ALG1L2: variants seen among roughly 807,000 people sequenced by gnomAD.
The protein encoded by ALG1L2 is ALG1 chitobiosyldiphosphodolichol beta-mannosyltransferase like 2, also known as putative glycosyltransferase ALG1L2.
ALG1L2 carries 32 observed loss-of-function variants against 29.0 expected under a neutral mutation model. The ratio of observed to expected loss-of-function variants is 1.10; its 90% CI spans 0.83 to 1.48. The LOEUF (loss-of-function observed/expected upper bound fraction) is 1.48, where lower values mean the gene tolerates loss of function less well. Among genes scored for constraint, ALG1L2 ranks in the 40% most tolerant of loss-of-function variants. The pLI is 0.00. For synonymous variants in ALG1L2, 110 were observed against 109.5 expected, an observed-to-expected ratio of 1.00 and a Z score of -0.03; for missense variants, 318 against 274.1, an observed-to-expected ratio of 1.16 and a Z score of -1.13.
chr3:130,086,214 T>G (rs201872819), intron 1 of ALG1L2, among the ~76,000 whole-genome samples: 6,810 of 147,902 alleles, frequency 0.046, 127 homozygotes, highest in East Asian at 0.17. Flanking sequence ...AGGGGATGCC[T>G]TCCAGCTGAC....
At chr3:130,094,294 G>C in intron 4 of ALG1L2, 109 bp from the exon 5 acceptor site, 1 of 1,394,294 alleles carries the variant, frequency 7.2e-7, no homozygotes, top group Non-Finnish European at 1.0e-6. Context: ...CTGCCGAGGG[G>C]TGGAGCTTCT....
chr3:130,096,381 T>C (rs1935134423), intron 6 of ALG1L2, among the ~76,000 whole-genome samples: 1 of 151,998 alleles, frequency 6.6e-6, no homozygotes, highest in South Asian at 2.1e-4. Context: ...TTTAGGTTGG[T>C]ACAAAAGTAA....
Position 130,094,519 on chromosome 3 carries a change from A to G in ALG1L2, c.424+6A>G. On this transcript the variant is annotated splice_donor_region_variant and intron_variant, in intron 5 of 7. Transcript: ENST00000425059. ...AGGACTACCCCCGCTTCTAGGTGAG[A>G]GGCCAGCAGGAGGCTCAGGGAGGAG... is the stretch of plus-strand genomic sequence containing the variant. The G allele has an allele frequency of 6.5e-7, 1 of 1,528,292 alleles. No homozygotes were observed. The highest frequency in any genetic ancestry group is 1.4e-5 in the African/African-American group (1 of 70,026). 94.7% of individuals were successfully genotyped at this position (1,528,292 alleles called of 1,614,324 possible).
At chr3:130,093,930 C>T in intron 4 of ALG1L2, 2 of 211,124 alleles carry the variant, frequency 9.5e-6, no homozygotes, top group Non-Finnish European at 1.9e-5. Context: ...GGTTTGGAAC[C>T]CGCGCCATGT....
intron 1 of ALG1L2, among the ~76,000 whole-genome samples, chr3:130,088,944 C>G (rs1420941133): frequency 6.6e-6 from 1 of 152,290 alleles, no homozygotes; most frequent in South Asian, 2.1e-4. Context: ...CCTTACATCC[C>G]CAGACCCCAA....
At chr3:130,093,040 A>G in intron 3 of ALG1L2, 61 bp from the exon 4 acceptor site, 2 of 1,469,962 alleles carry the variant, frequency 1.4e-6, no homozygotes, top group Non-Finnish European at 1.8e-6. Context: ...AAAAAAAAAA[A>G]AAAAAAAAAA....
Position 130,098,078 on chromosome 3 carries a change from G to C in ALG1L2, c.616-145G>C, listed in dbSNP as rs1316396569. ...AAGCATGTCAAGATGGAGGCGGAGC[G>C]CTGCTGGGGTGTGAAGGGTCTCAAG... is the stretch of plus-strand genomic sequence containing the variant. On this transcript the variant is annotated intron_variant, in intron 7 of 7. Coordinates refer to ENST00000425059, the MANE Select transcript of ALG1L2 (RefSeq NM_001136152.1). The C allele has an allele frequency of 1.0e-5, 11 of 1,103,478 alleles. No individual in the cohort carries two copies. In the Admixed American group the frequency reaches 2.3e-4, roughly 23 times the overall value. The allele number at this position is 1,103,478 out of a possible 1,614,324, so 68.4% of individuals were successfully genotyped here.
intron 4 of ALG1L2, 115 bp from the exon 5 acceptor site, chr3:130,094,288 C>G: frequency 7.4e-7 from 1 of 1,344,356 alleles, no homozygotes. Flanking sequence ...CTGCAGCTGC[C>G]GAGGGGTGGA....
In ALG1L2 at chr3:130,083,515, T is replaced by C. The variant is rs1240170914; in HGVS notation, c.20+1479T>C. On this transcript the variant is annotated intron_variant, in intron 1 of 7. Transcript: ENST00000425059. Reference sequence around the variant, plus strand: ...TTCCTGCAACGTCTCACTGTTTCTGTGAGGCAAAAAAATGCCACATACAAA... The same window carrying C: ...TTCCTGCAACGTCTCACTGTTTCTGCGAGGCAAAAAAATGCCACATACAAA... Among the ~76,000 whole-genome samples, 3 of 130,238 alleles carry C rather than the reference T, an allele frequency of 2.3e-5. 1 individual carries two copies. Among genetic ancestry groups the C allele is most frequent in the African/African-American group, 7.8e-5 (3 of 38,708 alleles). The allele number at this position is 130,238 out of a possible 152,430, so 85.4% of individuals were successfully genotyped here. A position where few individuals can be genotyped will look rare whatever the true frequency, so the allele number is the denominator to read the frequency against.
intron 5 of ALG1L2, 58 bp downstream of exon 5, chr3:130,094,571 G>C: frequency 8.0e-7 from 1 of 1,250,894 alleles, no homozygotes; most frequent in Non-Finnish European, 1.1e-6. Context: ...GGGGAACAGG[G>C]GTGGGCGGGG....
chr3:130,081,858 G>C lies in ALG1L2; in HGVS notation c.-159G>C. The C allele has an allele frequency of 4.8e-6, 5 of 1,046,178 alleles. No individual in the cohort carries two copies. The highest frequency in any genetic ancestry group is 2.6e-5 in the East Asian group (1 of 38,372). The allele number at this position is 1,046,178 out of a possible 1,614,324, so 64.8% of individuals were successfully genotyped here. ...GGGAGGTGACACCAGGAGGTAACCA[G>C]GTGGAAATCACCCTCAAGTAGCAGA... On this transcript the variant is annotated 5_prime_UTR_variant, in exon 1 of 8. Transcript: ENST00000425059.
At chr3:130,082,578 T>C (rs1246392057) in intron 1 of ALG1L2, among the ~76,000 whole-genome samples, 2 of 133,584 alleles carry the variant, frequency 1.5e-5, no homozygotes, top group Non-Finnish European at 3.5e-5. Flanking sequence ...TCTCAAGTGA[T>C]CTGCCCACCT....
In ALG1L2 at chr3:130,097,161, T is replaced by G; in HGVS notation, c.540-14T>G. Reference sequence around the variant, plus strand: ...CTCCAGGAAACTCTCGGGCTCCTTTTGTTCTCTCTGCAGTTTACATGAGCT... The same window carrying G: ...CTCCAGGAAACTCTCGGGCTCCTTTGGTTCTCTCTGCAGTTTACATGAGCT... On this transcript the variant is annotated splice_polypyrimidine_tract_variant and intron_variant, in intron 6 of 7. Coordinates refer to ENST00000425059, the MANE Select transcript of ALG1L2 (RefSeq NM_001136152.1). 1 of 1,611,858 alleles carries G rather than the reference T, an allele frequency of 6.2e-7. No homozygotes were observed. The highest frequency in any genetic ancestry group is 2.2e-5 in the East Asian group (1 of 44,882).
chr3:130,096,443 GAA>G lies in ALG1L2; in HGVS notation c.539+290_539+291del, dbSNP rs71158167. Among the ~76,000 whole-genome samples, 1,478 of 149,572 alleles carry G rather than the reference GAA, an allele frequency of 9.9e-3. 18 individuals are homozygous for G. The highest frequency in any genetic ancestry group is 0.033 in the African/African-American group (1,334 of 40,708). ...AATTACTTTTGCACCAACCCAGTAT[GAA>G]AAAAAAAAAGCACCTTAAATAACAG... On this transcript the variant is annotated intron_variant, in intron 6 of 7. Transcript: ENST00000425059.
In ALG1L2 at chr3:130,081,866, T is replaced by A; in HGVS notation, c.-151T>A. ...ACACCAGGAGGTAACCAGGTGGAAA[T>A]CACCCTCAAGTAGCAGAGACAGGTG... is the stretch of plus-strand genomic sequence containing the variant. On this transcript the variant is annotated 5_prime_UTR_variant, in exon 1 of 8. Coordinates refer to ENST00000425059, the MANE Select transcript of ALG1L2 (RefSeq NM_001136152.1). 2 of 1,096,106 alleles carry A rather than the reference T, an allele frequency of 1.8e-6. No individual in the cohort carries two copies. The highest frequency in any genetic ancestry group is 1.4e-5 in the South Asian group (1 of 70,918). 67.9% of individuals were successfully genotyped at this position (1,096,106 alleles called of 1,614,324 possible).
At chr3:130,093,529 C>T (rs1435957370) in intron 4 of ALG1L2, among the ~76,000 whole-genome samples, 2 of 151,026 alleles carry the variant, frequency 1.3e-5, no homozygotes, top group South Asian at 2.1e-4. Context: ...CACATTCAAG[C>T]AATTCTCATG....
chr3:130,093,304 A>C, intron 4 of ALG1L2, 144 bp downstream of exon 4: 1 of 958,352 alleles, frequency 1.0e-6, no homozygotes, highest in South Asian at 2.1e-5. Context: ...ACTGCTTGAC[A>C]TGCGGGAAAC....
intron 6 of ALG1L2, among the ~76,000 whole-genome samples, chr3:130,096,669 G>C (rs1294175647): frequency 6.6e-6 from 1 of 152,190 alleles, no homozygotes; most frequent in Non-Finnish European, 1.5e-5. Context: ...GGTGGAGTTA[G>C]AGGAGATTCT....
At position 130,096,038 on chromosome 3, in the gene ALG1L2, T is replaced by C. The variant is rs759568792; in HGVS notation, c.425-11T>C. The stretch of plus-strand genomic sequence containing the variant: ...GACCAGCGCTCTGGCCACACCCCTC[T>C]TGCCTAGCAGGGTCGGTGGACCTGG... On this transcript the variant is annotated splice_polypyrimidine_tract_variant and intron_variant, in intron 5 of 7. Coordinates refer to ENST00000425059, the MANE Select transcript of ALG1L2 (RefSeq NM_001136152.1). 6.2e-6 allele frequency: 10 copies of C among 1,606,256 alleles called. No homozygotes were observed. Among genetic ancestry groups the C allele is most frequent in the Non-Finnish European group, 5.1e-6 (6 of 1,176,828 alleles).
Sources: gnomAD v4.1 joint callset for allele counts (sites outside exome capture counted in the v4.1 genomes callset) on GRCh38, gnomAD v4.1.1 for gene constraint, MANE v1.5 for transcripts, NCBI Gene and HGNC (gene_info 2026-07-23, HGNC 2026-07-21) for gene names.